Variants in CNTN4 observed in about 807,000 individuals in gnomAD.
CNTN4 encodes the protein contactin-4.
Under a neutral mutation model 122.5 loss-of-function variants are expected in CNTN4, and 77 were observed. The observed-to-expected ratio is 0.63, with a 90% CI of 0.52 to 0.76. The LOEUF (loss-of-function observed/expected upper bound fraction) is 0.76. Among genes scored for constraint, CNTN4 ranks in the 30% least tolerant of loss-of-function variants. The probability of loss-of-function intolerance (pLI) is 0.00; values close to 1 mark genes in which losing one functional copy is unlikely to be tolerated. For missense variants in CNTN4, 1,256 were observed against 1,259.1 expected (o/e 1.00, Z 0.04); for synonymous variants, 512 against 447.0 (o/e 1.15, Z -1.83).
At chr3:2,548,687 AAGT>A (rs2078350712) in intron 3 of CNTN4, among the ~76,000 whole-genome samples, 1 of 151,948 alleles carries the variant, frequency 6.6e-6, no homozygotes, top group Admixed American at 6.6e-5. Context: ...ATGAAATTTG[AAGT>A]AGTTTTTTCT....
chr3:2,636,391 C>A (rs1049881708), intron 4 of CNTN4, among the ~76,000 whole-genome samples: 3 of 152,108 alleles, frequency 2.0e-5, no homozygotes, highest in African/African-American at 7.2e-5. Context: ...ATATTTATTG[C>A]CTATAGGGGC....
chr3:2,864,761 C>T lies in CNTN4; in HGVS notation c.455-1991C>T, dbSNP rs1449798027. 1.2e-4 allele frequency among the ~76,000 whole-genome samples: 7 copies of T among 57,066 alleles called. 1 individual carries two copies. The highest frequency in any genetic ancestry group is 1.5e-3 in the South Asian group (2 of 1,352). The allele number at this position is 57,066 out of a possible 152,430, so 37.4% of individuals were successfully genotyped here. On this transcript the variant is annotated intron_variant, in intron 7 of 24. Coordinates refer to ENST00000418658, the MANE Select transcript of CNTN4 (RefSeq NM_175607.3). ...ATCTCAAAAAAAAAAAAAAAGTTTC[C>T]GGTATTTGATTCCAACTCTCCTTGG... is the stretch of plus-strand genomic sequence containing the variant.
At chr3:2,166,038 A>G (rs1250496900) in intron 2 of CNTN4, among the ~76,000 whole-genome samples, 1 of 152,008 alleles carries the variant, frequency 6.6e-6, no homozygotes, top group African/African-American at 2.4e-5. Flanking sequence ...TCTTCGAGAG[A>G]GCTATTTTAT....
At chr3:2,197,498 A>T (rs2037901356) in intron 2 of CNTN4, among the ~76,000 whole-genome samples, 1 of 152,190 alleles carries the variant, frequency 6.6e-6, no homozygotes, top group Admixed American at 6.5e-5. Context: ...CTGCAATATA[A>T]TCCTGTGGGG....
At chr3:2,861,033 A>G (rs571487822) in intron 7 of CNTN4, among the ~76,000 whole-genome samples, 1 of 152,346 alleles carries the variant, frequency 6.6e-6, no homozygotes, top group South Asian at 2.1e-4. Context: ...TTACGAAAAG[A>G]TAATTTTTGT....
chr3:2,245,388 C>T (rs1330251387), intron 2 of CNTN4, among the ~76,000 whole-genome samples: 2 of 151,892 alleles, frequency 1.3e-5, no homozygotes, highest in Non-Finnish European at 2.9e-5. Context: ...GGCAATAAGA[C>T]GAATAATACA....
intron 13 of CNTN4, among the ~76,000 whole-genome samples, chr3:2,984,419 G>C (rs948375962): frequency 2.6e-5 from 4 of 152,184 alleles, no homozygotes; most frequent in Admixed American, 6.5e-5. Context: ...CATGACGTGG[G>C]GAAGGGTTAG....
At chr3:2,225,421 A>G (rs1153529) in intron 2 of CNTN4, among the ~76,000 whole-genome samples, 49,130 of 151,656 alleles carry the variant, frequency 0.32, 8,489 homozygotes, top group African/African-American at 0.41. Flanking sequence ...GGCTGAGGCA[A>G]AGAATTGCTT....
chr3:2,100,397 C>G (rs1388186795), intron 1 of CNTN4, among the ~76,000 whole-genome samples, 161 bp from the exon 2 acceptor site: 1 of 152,106 alleles, frequency 6.6e-6, no homozygotes, highest in Non-Finnish European at 1.5e-5. Context: ...TTGGAACGCG[C>G]TTGTATTTTT....
At chr3:2,640,316 A>G (rs1479545) in intron 4 of CNTN4, among the ~76,000 whole-genome samples, 102,772 of 152,074 alleles carry the variant, frequency 0.68, 35,383 homozygotes, top group East Asian at 0.8. Context: ...ACACTGTAGC[A>G]CTTTTTATAT....
intron 4 of CNTN4, among the ~76,000 whole-genome samples, chr3:2,718,347 T>C (rs2087630919): frequency 6.6e-6 from 1 of 152,194 alleles, no homozygotes. Context: ...TATTTATAAA[T>C]ATCTCTATTA....
chr3:2,729,786 C>T (rs2088541178), intron 4 of CNTN4, among the ~76,000 whole-genome samples: 2 of 151,304 alleles, frequency 1.3e-5, no homozygotes, highest in Admixed American at 6.6e-5. Flanking sequence ...TGTTGGCACG[C>T]GCCTGTAATA....
intron 3 of CNTN4, among the ~76,000 whole-genome samples, chr3:2,506,025 T>C (rs1387590027): frequency 6.6e-6 from 1 of 152,136 alleles, no homozygotes; most frequent in Non-Finnish European, 1.5e-5. Context: ...CTTTTTTTTT[T>C]CTAATGTAAC....
chr3:3,003,398 T>C (rs1274000403), intron 14 of CNTN4, among the ~76,000 whole-genome samples: 1 of 152,194 alleles, frequency 6.6e-6, no homozygotes, highest in Non-Finnish European at 1.5e-5. Context: ...AATGGACTAT[T>C]ATTCAGTCAT....
intron 4 of CNTN4, among the ~76,000 whole-genome samples, chr3:2,662,557 G>A (rs1000008221): frequency 5.3e-5 from 8 of 152,272 alleles, no homozygotes; most frequent in African/African-American, 1.2e-4. Context: ...AACTAACTGC[G>A]AGAGAGGCTA....
chr3:2,183,237 T>G (rs1213709754), intron 2 of CNTN4, among the ~76,000 whole-genome samples: 1 of 152,168 alleles, frequency 6.6e-6, no homozygotes, highest in Non-Finnish European at 1.5e-5. Flanking sequence ...CTTTCTTTTT[T>G]AAAATTAATT....
chr3:2,377,994 C>G (rs1476329643), intron 3 of CNTN4, among the ~76,000 whole-genome samples: 1 of 152,156 alleles, frequency 6.6e-6, no homozygotes, highest in Non-Finnish European at 1.5e-5. Flanking sequence ...GTTGTCACCT[C>G]ATGGTTTTTT....
intron 4 of CNTN4, among the ~76,000 whole-genome samples, chr3:2,679,007 A>T (rs900699665): frequency 6.6e-6 from 1 of 152,162 alleles, no homozygotes; most frequent in Non-Finnish European, 1.5e-5. Flanking sequence ...AATGCCCCCT[A>T]TATATCTGTT....
At chr3:2,698,788 C>T (rs1323888610) in intron 4 of CNTN4, among the ~76,000 whole-genome samples, 19 of 152,160 alleles carry the variant, frequency 1.2e-4, no homozygotes, top group Non-Finnish European at 2.6e-4. Flanking sequence ...GAGGCCAAGG[C>T]GGGCGGATCA....
Sources: allele counts gnomAD v4.1 joint callset (sites outside exome capture counted in the v4.1 genomes callset), GRCh38; gene constraint gnomAD v4.1.1; transcripts MANE v1.5; gene names NCBI Gene and HGNC (gene_info 2026-07-23, HGNC 2026-07-21).